Variants in SLC22A16 observed in about 807,000 individuals in gnomAD.
The protein encoded by SLC22A16 is solute carrier family 22 member 16, also known as WUGSC:RG331P03.1.
In SLC22A16, 53 loss-of-function variants were observed where a neutral mutation model predicts 52.9. The observed-to-expected ratio is 1.00, with a 90% confidence interval of 0.80 to 1.26. The LOEUF is 1.26. Ranked by LOEUF, SLC22A16 falls within the 50% of genes most tolerant of loss-of-function variation. The probability of loss-of-function intolerance (pLI) is 0.00; values close to 1 mark genes in which losing one functional copy is unlikely to be tolerated. For missense variants in SLC22A16, 726 were observed against 704.0 expected, an observed-to-expected ratio of 1.03 and a Z score of -0.35; for synonymous variants, 291 against 268.8, an observed-to-expected ratio of 1.08 and a Z score of -0.81.
Position 110,476,115 on chromosome 6 carries a change from G to C in SLC22A16, c.53+407C>G, listed in dbSNP as rs150569426. 2,494 of 410,810 alleles carry C rather than the reference G, an allele frequency of 6.1e-3. 20 individuals carry two copies. The highest frequency in any genetic ancestry group is 0.016 in the Middle Eastern group (22 of 1,366). 25.4% of individuals were successfully genotyped at this position (410,810 alleles called of 1,614,324 possible). Reference sequence around the variant, plus strand: ...CCCTACGGAGGCGCAGGGCAGAACTGGGCAGCAGCCGTCTAGGGAAGTGGC... The same window carrying C: ...CCCTACGGAGGCGCAGGGCAGAACTCGGCAGCAGCCGTCTAGGGAAGTGGC... On this transcript the variant is annotated intron_variant, in intron 1 of 7. Transcript: ENST00000368919.
chr6:110,466,500 C>T (rs756542614), intron 1 of SLC22A16, among the ~76,000 whole-genome samples: 4 of 151,782 alleles, frequency 2.6e-5, no homozygotes, highest in African/African-American at 4.8e-5. Flanking sequence ...AGAAGACATA[C>T]AAGCAGCCAA....
intron 1 of SLC22A16, among the ~76,000 whole-genome samples, chr6:110,472,963 G>A (rs963945704): frequency 6.6e-6 from 1 of 152,144 alleles, no homozygotes; most frequent in African/African-American, 2.4e-5. Context: ...GTCCATCATG[G>A]CTAAGAGCAT....
intron 6 of SLC22A16, among the ~76,000 whole-genome samples, chr6:110,433,672 GT>G (rs1774598896): frequency 6.6e-6 from 1 of 152,150 alleles, no homozygotes; most frequent in African/African-American, 2.4e-5. Context: ...TTAATATCTT[GT>G]TTGTTTATTT....
chr6:110,460,711 C>T (rs1219786384), intron 1 of SLC22A16, among the ~76,000 whole-genome samples: 1 of 152,150 alleles, frequency 6.6e-6, no homozygotes, highest in Non-Finnish European at 1.5e-5. Context: ...AGCCACTGCC[C>T]TGCCCAAGCA....
At chr6:110,458,989 A>ATGTGTGTGTGTG (rs199594090) in intron 1 of SLC22A16, among the ~76,000 whole-genome samples, 1 of 151,638 alleles carries the variant, frequency 6.6e-6, no homozygotes, top group South Asian at 2.1e-4. Context: ...AGTCTCATAT[A>ATGTGTGTGTGTG]TGTGTGTGTG....
At chr6:110,458,028 C>G (rs1485163500) in intron 1 of SLC22A16, among the ~76,000 whole-genome samples, 3 of 152,176 alleles carry the variant, frequency 2.0e-5, no homozygotes, top group African/African-American at 7.2e-5. Flanking sequence ...TGGTCACGCT[C>G]CTGGTCTGCT....
chr6:110,457,950 T>A (rs1775729321), intron 1 of SLC22A16, among the ~76,000 whole-genome samples: 1 of 152,156 alleles, frequency 6.6e-6, no homozygotes, highest in Non-Finnish European at 1.5e-5. Flanking sequence ...GTGGAGGGCC[T>A]GACATCAGTC....
intron 1 of SLC22A16, among the ~76,000 whole-genome samples, chr6:110,464,859 T>C (rs62421697): frequency 0.049 from 7,506 of 151,954 alleles, 225 homozygotes; most frequent in South Asian, 0.085. Flanking sequence ...CAGGCCAATA[T>C]CTCTGATGAA....
At chr6:110,441,847 C>G (rs141258290) in intron 4 of SLC22A16, among the ~76,000 whole-genome samples, 513 of 152,236 alleles carry the variant, frequency 3.4e-3, no homozygotes, top group African/African-American at 0.012. Flanking sequence ...AAAGTCTGTA[C>G]GCGGCACCCA....
intron 1 of SLC22A16, among the ~76,000 whole-genome samples, chr6:110,466,803 T>C (rs1776079310): frequency 1.3e-5 from 2 of 152,164 alleles, no homozygotes; most frequent in South Asian, 2.1e-4. Context: ...GAAATCATTA[T>C]ATCAAAAAGA....
intron 7 of SLC22A16, among the ~76,000 whole-genome samples, chr6:110,426,931 C>T (rs1463782153): frequency 6.6e-6 from 1 of 151,176 alleles, no homozygotes; most frequent in Non-Finnish European, 1.5e-5. Flanking sequence ...GCCTGGGCAA[C>T]AAGAGTGAAA....
At chr6:110,451,749 G>A (rs1235840306) in intron 2 of SLC22A16, among the ~76,000 whole-genome samples, 1 of 152,018 alleles carries the variant, frequency 6.6e-6, no homozygotes, top group Non-Finnish European at 1.5e-5. Context: ...GTCTTTTGGT[G>A]GACATAAATT....
At chr6:110,454,621 A>ATT (rs1491231215) in intron 2 of SLC22A16, among the ~76,000 whole-genome samples, 1,242 of 54,344 alleles carry the variant, frequency 0.023, 37 homozygotes, top group African/African-American at 0.12. Flanking sequence ...TTTTATATAT[A>ATT]ATATATATTT....
chr6:110,456,597 C>T lies in SLC22A16; in HGVS notation c.474G>A (p.Gln158=), dbSNP rs909193182. ...CDRKWLAMLI[Q]PLFMFGVLLG... ...GTAGGACTCCAAACATAAATAGGGG[C>T]TGGATCAGCATTGCAAGCCATTTTC... Residue 158 remains glutamine (Q), a synonymous_variant, in exon 2 of 8, where the codon CAG becomes CAA. Coordinates refer to ENST00000368919, the MANE Select transcript of SLC22A16 (RefSeq NM_033125.4). The T allele has an allele frequency of 6.2e-7, 1 of 1,614,152 alleles. No individual in the cohort carries two copies. Among genetic ancestry groups the T allele is most frequent in the Admixed American group, 1.7e-5 (1 of 60,006 alleles).
intron 1 of SLC22A16, among the ~76,000 whole-genome samples, chr6:110,458,686 G>T (rs889163073): frequency 3.3e-5 from 5 of 152,180 alleles, no homozygotes; most frequent in Non-Finnish European, 7.3e-5. Flanking sequence ...ACTAAGTAGA[G>T]ATCACCCTCA....
At chr6:110,427,247 C>CAAAAAAAAAAAAAAAAA (rs71018390) in intron 7 of SLC22A16, among the ~76,000 whole-genome samples, 2 of 60,588 alleles carry the variant, frequency 3.3e-5, no homozygotes, top group Admixed American at 1.9e-4. Flanking sequence ...GACCCAATCT[C>CAAAAAAAAAAAAAAAAA]AAAAAAAAAA....
At position 110,476,539 on chromosome 6, in the gene SLC22A16, G is replaced by T; in HGVS notation, c.36C>A (p.His12Gln). 6.7e-7 allele frequency: 1 copy of T among 1,486,824 alleles called. No individual in the cohort carries two copies. Among genetic ancestry groups the T allele is most frequent in the South Asian group, 1.2e-5 (1 of 81,210 alleles). The allele number at this position is 1,486,824 out of a possible 1,614,324, so 92.1% of individuals were successfully genotyped here. A position where few individuals can be genotyped will look rare whatever the true frequency, so the allele number is the denominator to read the frequency against. The change falls in exon 1 of 8, where the codon CAC (histidine) becomes CAA (glutamine). Residue 12 changes from histidine (H) to glutamine (Q), a missense_variant. Transcript: ENST00000368919. ...CCCCATACCTGCCGAAGTGCCCCAC[G>T]TGGTCATAAATCCCCTCGAAGTGGC... ...GSRHFEGIYD[H>Q]VGHFGRFQRV...
intron 6 of SLC22A16, among the ~76,000 whole-genome samples, chr6:110,432,175 T>C (rs539868323): frequency 3.9e-5 from 6 of 152,204 alleles, no homozygotes; most frequent in African/African-American, 4.8e-5. Context: ...AAAGAACTGA[T>C]AAAAAGTATG....
At chr6:110,430,598 T>C (rs954986792) in intron 7 of SLC22A16, among the ~76,000 whole-genome samples, 2 of 152,178 alleles carry the variant, frequency 1.3e-5, no homozygotes, top group Non-Finnish European at 2.9e-5. Context: ...AGTGCTCACG[T>C]GCCTTCCCAG....
Sources: gnomAD v4.1 joint callset for allele counts (sites outside exome capture counted in the v4.1 genomes callset) on GRCh38, gnomAD v4.1.1 for gene constraint, MANE v1.5 for transcripts, NCBI Gene and HGNC (gene_info 2026-07-23, HGNC 2026-07-21) for gene names.